The following PCDH15 variants were observed in gnomAD, a reference collection of about 807,000 sequenced individuals.
PCDH15 encodes protocadherin related 15.
A neutral mutation model predicts 178.5 loss-of-function variants in PCDH15; 129 were observed. That is an observed-to-expected ratio of 0.72 (90% CI 0.63 to 0.84). The LOEUF is 0.84. Ranked by LOEUF, PCDH15 falls within the 40% of genes least tolerant of loss-of-function variation. The pLI, the probability that PCDH15 is intolerant of heterozygous loss-of-function variation, is 0.00. For missense variants in PCDH15, 2,230 were observed against 2,099.9 expected, an observed-to-expected ratio of 1.06 and a Z score of -1.21; for synonymous variants, 800 against 732.0, an observed-to-expected ratio of 1.09 and a Z score of -1.50.
chr10:54,297,478 G>A (rs1158392759), intron 8 of PCDH15, among the ~76,000 whole-genome samples: 1 of 152,138 alleles, frequency 6.6e-6, no homozygotes, highest in Non-Finnish European at 1.5e-5. Flanking sequence ...TTCATTGAAG[G>A]AGAATCCACA....
chr10:54,752,402 G>A (rs904063709), intron 1 of PCDH15, among the ~76,000 whole-genome samples: 2 of 150,714 alleles, frequency 1.3e-5, no homozygotes, highest in Non-Finnish European at 1.5e-5. Flanking sequence ...GCGTGAACCC[G>A]GGAGGCAGAG....
chr10:53,907,486 G>T (rs907302107), intron 25 of PCDH15, among the ~76,000 whole-genome samples: 1 of 152,172 alleles, frequency 6.6e-6, no homozygotes, highest in Non-Finnish European at 1.5e-5. Context: ...AACAGTGAAA[G>T]AAATTACAAA....
At chr10:55,577,141 C>T (rs1053731336) in intron 2 of PCDH15, among the ~76,000 whole-genome samples, 1 of 152,076 alleles carries the variant, frequency 6.6e-6, no homozygotes, top group African/African-American at 2.4e-5. Context: ...ACTCGGGAGG[C>T]TGAGGCAGAA....
At chr10:55,382,165 T>C (rs558675578) in intron 2 of PCDH15, among the ~76,000 whole-genome samples, 5 of 152,318 alleles carry the variant, frequency 3.3e-5, no homozygotes, top group Admixed American at 3.3e-4. Context: ...ATTCATCTGA[T>C]AATTGTTACC....
At chr10:55,172,076 G>A (rs1000693104) in intron 1 of PCDH15, among the ~76,000 whole-genome samples, 2 of 151,916 alleles carry the variant, frequency 1.3e-5, no homozygotes, top group Admixed American at 1.3e-4. Context: ...TTATCTTTAT[G>A]TAAATCTAGA....
chr10:54,040,501 C>G (rs933154906), intron 18 of PCDH15, among the ~76,000 whole-genome samples: 9 of 151,838 alleles, frequency 5.9e-5, no homozygotes, highest in African/African-American at 2.2e-4. Flanking sequence ...TATAAATTAC[C>G]CTGTCTCAGG....
rs775238614 is a variant in PCDH15 at position 53,822,738 on chromosome 10, C to CA, written c.4368-2509dup. 1.9e-5 allele frequency: 30 copies of CA among 1,614,042 alleles called. No homozygotes were observed. The highest frequency in any genetic ancestry group is 2.5e-5 in the Non-Finnish European group (30 of 1,179,956). ...GAATGAGAAGTGAGGCCTGGGAAAG[C>CA]AAAATGAAGAGTCTGAAGAGAGAGA... On this transcript the variant is annotated intron_variant, in intron 32 of 37. Coordinates refer to ENST00000644397, the MANE Select transcript of PCDH15 (RefSeq NM_001384140.1).
intron 3 of PCDH15, among the ~76,000 whole-genome samples, chr10:54,435,052 T>TTA (rs1297870038): frequency 1.8e-5 from 2 of 110,602 alleles, no homozygotes; most frequent in African/African-American, 6.9e-5. Context: ...GTTTTTAAAC[T>TTA]TATCTTACTT....
intron 15 of PCDH15, among the ~76,000 whole-genome samples, chr10:54,129,593 AT>A (rs748441699): frequency 1.3e-5 from 2 of 152,172 alleles, no homozygotes; most frequent in Non-Finnish European, 2.9e-5. Flanking sequence ...ACTATCCTTA[AT>A]GATACCATAA....
intron 1 of PCDH15, among the ~76,000 whole-genome samples, chr10:55,258,266 A>G (rs1475224618): frequency 6.6e-6 from 1 of 152,188 alleles, no homozygotes; most frequent in Non-Finnish European, 1.5e-5. Context: ...TAAAATATTA[A>G]TTAGTTTTTG....
intron 8 of PCDH15, among the ~76,000 whole-genome samples, chr10:54,242,777 A>T (rs1220773409): frequency 6.6e-6 from 1 of 152,168 alleles, no homozygotes; most frequent in Admixed American, 6.5e-5. Context: ...AATGTGCCCA[A>T]GTATTTCAAA....
chr10:54,244,613 T>C (rs2055737321), intron 8 of PCDH15, among the ~76,000 whole-genome samples: 2 of 152,226 alleles, frequency 1.3e-5, no homozygotes, highest in African/African-American at 4.8e-5. Flanking sequence ...ATTTCACAGA[T>C]GTTGTAAGGA....
chr10:54,841,579 A>G (rs1005105724), intron 3 of PCDH15, among the ~76,000 whole-genome samples: 4 of 151,692 alleles, frequency 2.6e-5, no homozygotes, highest in Non-Finnish European at 4.4e-5. Flanking sequence ...ATAAAGACAA[A>G]AAAGGAACTA....
chr10:54,702,192 A>G (rs938040348), intron 1 of PCDH15, among the ~76,000 whole-genome samples: 2 of 151,988 alleles, frequency 1.3e-5, no homozygotes, highest in Non-Finnish European at 2.9e-5. Context: ...GAAAAAAGCT[A>G]CTCCTGGATT....
rs1184539314 is a variant in PCDH15 at position 53,804,784 on chromosome 10, G to GC, written c.*1794dup. Reference sequence around the variant, plus strand: ...ATTGCTTTGGTGCCTGAAGGAATAAGCCCCGGACTTCATTGCTTCCAAAAT... The same window carrying GC: ...ATTGCTTTGGTGCCTGAAGGAATAAGCCCCCGGACTTCATTGCTTCCAAAAT... On this transcript the variant is annotated 3_prime_UTR_variant, in exon 38 of 38. Coordinates refer to ENST00000644397, the MANE Select transcript of PCDH15 (RefSeq NM_001384140.1). The GC allele has an allele frequency of 6.6e-6, 1 of 151,950 alleles. No individual in the cohort carries two copies. Among genetic ancestry groups the GC allele is most frequent in the Non-Finnish European group, 1.5e-5 (1 of 67,910 alleles). 9.4% of individuals were successfully genotyped at this position (151,950 alleles called of 1,614,324 possible).
intron 2 of PCDH15, among the ~76,000 whole-genome samples, chr10:54,911,774 C>A (rs896886092): frequency 1.3e-5 from 2 of 152,092 alleles, no homozygotes; most frequent in Non-Finnish European, 2.9e-5. Context: ...TGGCAGTTTC[C>A]CTTGCACTCT....
chr10:53,985,728 A>T (rs1427448057), intron 21 of PCDH15, among the ~76,000 whole-genome samples: 2 of 152,018 alleles, frequency 1.3e-5, no homozygotes, highest in African/African-American at 4.8e-5. Flanking sequence ...TATGCTACCC[A>T]CTTCTTCTCT....
chr10:54,959,908 T>C (rs1469052498), intron 2 of PCDH15, among the ~76,000 whole-genome samples: 1 of 152,152 alleles, frequency 6.6e-6, no homozygotes, highest in East Asian at 1.9e-4. Flanking sequence ...TCCTGACATG[T>C]ATCTGGCCAG....
chr10:53,815,118 A>G (rs2076015244), intron 35 of PCDH15, among the ~76,000 whole-genome samples: 1 of 152,184 alleles, frequency 6.6e-6, no homozygotes, highest in Admixed American at 6.5e-5. Flanking sequence ...GATTTTAGAA[A>G]AGTATGCAAA....
Sources: allele counts gnomAD v4.1 joint callset (sites outside exome capture counted in the v4.1 genomes callset), GRCh38; gene constraint gnomAD v4.1.1; transcripts MANE v1.5; gene names NCBI Gene and HGNC (gene_info 2026-07-23, HGNC 2026-07-21).